Variants in ATP9B observed in about 807,000 individuals in gnomAD.
The protein encoded by ATP9B is probable phospholipid-transporting ATPase IIB.
ATP9B carries 110 observed loss-of-function variants against 146.1 expected under a neutral mutation model. That is an observed-to-expected ratio of 0.75 (90% confidence interval 0.65 to 0.88). The LOEUF is 0.88. ATP9B is among the 40% of genes least tolerant of loss of function. The probability of loss-of-function intolerance (pLI) is 0.00; values close to 1 mark genes in which losing one functional copy is unlikely to be tolerated. For synonymous variants in ATP9B, 604 were observed against 569.7 expected, an observed-to-expected ratio of 1.06 and a Z score of -0.86; for missense variants, 1,499 against 1,496.4, an observed-to-expected ratio of 1.00 and a Z score of -0.03.
At chr18:79,118,390 G>GGTTTTTTTTTTTTTT in intron 4 of ATP9B, among the ~76,000 whole-genome samples, 1 of 93,278 alleles carries the variant, frequency 1.1e-5, no homozygotes, top group East Asian at 3.1e-4. Flanking sequence ...GAACGTTTTT[G>GGTTTTTTTTTTTTTT]TTTTTTTTTT....
chr18:79,107,538 C>T (rs1489935177), intron 2 of ATP9B, among the ~76,000 whole-genome samples: 4 of 152,102 alleles, frequency 2.6e-5, no homozygotes, highest in Admixed American at 2.0e-4. Flanking sequence ...CGGCATTGTG[C>T]TGAGCCTTCG....
intron 1 of ATP9B, among the ~76,000 whole-genome samples, chr18:79,080,150 T>C (rs1331286492): frequency 6.6e-6 from 1 of 152,248 alleles, no homozygotes; most frequent in African/African-American, 2.4e-5. Flanking sequence ...ATATGAAATT[T>C]AAAGTAGTTT....
At chr18:79,178,803 A>C (rs1004471765) in intron 8 of ATP9B, among the ~76,000 whole-genome samples, 1 of 152,202 alleles carries the variant, frequency 6.6e-6, no homozygotes, top group South Asian at 2.1e-4. Context: ...GCTGATGTTC[A>C]TGAAACATAT....
chr18:79,277,636 C>CT (rs2096327231), intron 13 of ATP9B, among the ~76,000 whole-genome samples: 1 of 152,132 alleles, frequency 6.6e-6, no homozygotes, highest in South Asian at 2.1e-4. Context: ...AAAAGCTTTA[C>CT]TACAGACTAT....
At position 79,206,774 on chromosome 18, in the gene ATP9B, A is replaced by G. The variant is rs139973612; in HGVS notation, c.955-163A>G. 4.1e-3 allele frequency among the ~76,000 whole-genome samples: 628 copies of G among 152,246 alleles called. 4 individuals are homozygous for G. The highest frequency in any genetic ancestry group is 0.014 in the African/African-American group (582 of 41,546). On this transcript the variant is annotated intron_variant, in intron 9 of 29. Coordinates refer to ENST00000426216, the MANE Select transcript of ATP9B (RefSeq NM_198531.5). Reference sequence around the variant, plus strand: ...GGAGTTCTTTGAACTTGTACTTTCAATTTTTTATAGTCCCTTTTTTCTAAC... The same window carrying G: ...GGAGTTCTTTGAACTTGTACTTTCAGTTTTTTATAGTCCCTTTTTTCTAAC...
chr18:79,363,130 T>C (rs2097000506), intron 26 of ATP9B: 1 of 152,246 alleles, frequency 6.6e-6, no homozygotes, highest in African/African-American at 2.4e-5. Context: ...CCTATACTTG[T>C]AAACTTCATA....
chr18:79,352,885 G>A (rs1246671311), intron 25 of ATP9B: 1 of 152,212 alleles, frequency 6.6e-6, no homozygotes, highest in Non-Finnish European at 1.5e-5. Flanking sequence ...TACTAATCAA[G>A]TAAAAAGGCA....
intron 6 of ATP9B, chr18:79,146,358 G>A (rs190362890): frequency 2.2e-3 from 344 of 158,084 alleles, no homozygotes; most frequent in Admixed American, 3.8e-3. Flanking sequence ...GAAGGTGCAC[G>A]CTGCATGTCG....
intron 8 of ATP9B, among the ~76,000 whole-genome samples, chr18:79,179,103 G>A (rs996545368): frequency 1.3e-5 from 2 of 152,128 alleles, no homozygotes; most frequent in East Asian, 1.9e-4. Flanking sequence ...TTCATTTCAC[G>A]TAAGTTGACA....
intron 13 of ATP9B, among the ~76,000 whole-genome samples, chr18:79,283,805 A>G (rs1001570174): frequency 2.6e-5 from 4 of 152,230 alleles, no homozygotes; most frequent in African/African-American, 9.6e-5. Flanking sequence ...GCCAATTTGT[A>G]CTTAATCTGC....
chr18:79,101,946 A>AT (rs57723380), intron 2 of ATP9B, among the ~76,000 whole-genome samples: 3 of 150,750 alleles, frequency 2.0e-5, no homozygotes, highest in Middle Eastern at 3.4e-3. Context: ...TTTTTATTTT[A>AT]TTTTTTTTCT....
chr18:79,144,051 T>C (rs2094547440), intron 6 of ATP9B, 191 bp downstream of exon 6: 1 of 420,954 alleles, frequency 2.4e-6, no homozygotes, highest in Admixed American at 4.1e-5. Flanking sequence ...TATATTTCAG[T>C]GTGTGCAGGC....
At chr18:79,296,837 A>AG (rs35277783) in intron 13 of ATP9B, among the ~76,000 whole-genome samples, 1 of 152,224 alleles carries the variant, frequency 6.6e-6, no homozygotes, top group Non-Finnish European at 1.5e-5. Context: ...CCACTGCAGT[A>AG]GGGGAGATGC....
At chr18:79,268,101 C>T (rs1006836523) in intron 12 of ATP9B, among the ~76,000 whole-genome samples, 10 of 152,178 alleles carry the variant, frequency 6.6e-5, no homozygotes, top group African/African-American at 2.4e-4. Flanking sequence ...AAGGGACTTT[C>T]TTTATCTCTA....
At chr18:79,169,777 T>G (rs1213533710) in intron 7 of ATP9B, among the ~76,000 whole-genome samples, 2 of 152,184 alleles carry the variant, frequency 1.3e-5, no homozygotes, top group African/African-American at 4.8e-5. Flanking sequence ...GTCATTTCTG[T>G]GGGAAGAATG....
chr18:79,350,386 C>T (rs765289888), intron 25 of ATP9B, among the ~76,000 whole-genome samples: 11 of 152,252 alleles, frequency 7.2e-5, no homozygotes, highest in Non-Finnish European at 1.5e-4. Flanking sequence ...CCCCCATGAT[C>T]GTAAGCATTG....
At chr18:79,262,789 T>G (rs1043859115) in intron 12 of ATP9B, among the ~76,000 whole-genome samples, 2 of 152,200 alleles carry the variant, frequency 1.3e-5, no homozygotes, top group Admixed American at 6.5e-5. Flanking sequence ...TTCACCCAGT[T>G]TCAGAGTTAA....
At chr18:79,154,377 G>A in intron 6 of ATP9B, 127 bp from the exon 7 acceptor site, 1 of 649,312 alleles carries the variant, frequency 1.5e-6, no homozygotes, top group Non-Finnish European at 2.6e-6. Flanking sequence ...AATTGTGTTA[G>A]TTATTTCAGC....
At chr18:79,108,845 A>C (rs2075821660) in intron 2 of ATP9B, among the ~76,000 whole-genome samples, 1 of 152,256 alleles carries the variant, frequency 6.6e-6, no homozygotes, top group Admixed American at 6.5e-5. Context: ...ACATGCCCTC[A>C]TAAGGAATGC....
Sources: gnomAD v4.1 joint callset for allele counts (sites outside exome capture counted in the v4.1 genomes callset) on GRCh38, gnomAD v4.1.1 for gene constraint, MANE v1.5 for transcripts, NCBI Gene and HGNC (gene_info 2026-07-23, HGNC 2026-07-21) for gene names.